The following PNPT1 variants were observed in gnomAD, a reference collection of about 807,000 sequenced individuals.
PNPT1 encodes polyribonucleotide nucleotidyltransferase 1.
In PNPT1, 53 loss-of-function variants were observed where a neutral mutation model predicts 119.5. The observed-to-expected ratio is 0.44, with a 90% confidence interval of 0.36 to 0.56. The LOEUF is 0.56. PNPT1 is among the 20% of genes least tolerant of loss of function. The probability of loss-of-function intolerance (pLI) is 0.00; values close to 1 mark genes in which losing one functional copy is unlikely to be tolerated. For synonymous variants in PNPT1, 357 were observed against 322.1 expected (o/e 1.11, Z -1.16); for missense variants, 948 against 938.5 (o/e 1.01, Z -0.13).
chr2:55,645,085 G>A (rs1244204232), intron 22 of PNPT1: 1 of 260,008 alleles, frequency 3.8e-6, no homozygotes, highest in Non-Finnish European at 7.2e-6. Context: ...GTGCAGTGGC[G>A]CGATCTCGGC....
chr2:55,671,051 G>C (rs922191856), intron 11 of PNPT1, among the ~76,000 whole-genome samples: 2 of 152,062 alleles, frequency 1.3e-5, no homozygotes, highest in African/African-American at 4.8e-5. Context: ...GTGCAAAGGG[G>C]ACTTTCTCTT....
At position 55,683,839 on chromosome 2, in the gene PNPT1, C is replaced by T. The variant is rs1156874425; in HGVS notation, c.404-5G>A. 3.7e-6 allele frequency: 6 copies of T among 1,607,598 alleles called. No homozygotes were observed. Among genetic ancestry groups the T allele is most frequent in the Non-Finnish European group, 5.1e-6 (6 of 1,177,222 alleles). ...AGAGCGGTCTAATTGAACGATCTGC[C>T]AAAAGAAAAAAAAACACATTAAACC... On this transcript the variant is annotated splice_polypyrimidine_tract_variant and splice_region_variant and intron_variant, in intron 4 of 27. Transcript: ENST00000447944.
At chr2:55,671,843 A>T in intron 10 of PNPT1, 152 bp downstream of exon 10, 4 of 629,954 alleles carry the variant, frequency 6.3e-6, no homozygotes, top group Non-Finnish European at 1.1e-5. Context: ...AAAACAAAAC[A>T]AAAGAATGGA....
At chr2:55,681,582 C>A (rs1051692156) in intron 5 of PNPT1, among the ~76,000 whole-genome samples, 29 of 152,060 alleles carry the variant, frequency 1.9e-4, no homozygotes, top group African/African-American at 7.0e-4. Flanking sequence ...TGGTGGCTCA[C>A]GCCTGTAATC....
chr2:55,646,694 G>C (rs1053927583), intron 19 of PNPT1, among the ~76,000 whole-genome samples: 1 of 152,066 alleles, frequency 6.6e-6, no homozygotes, highest in Non-Finnish European at 1.5e-5. Flanking sequence ...TTTATTTTTA[G>C]ATCATTCCTT....
chr2:55,646,083 C>T (rs1458945262), intron 21 of PNPT1, among the ~76,000 whole-genome samples, 176 bp downstream of exon 21: 1 of 152,108 alleles, frequency 6.6e-6, no homozygotes, highest in Non-Finnish European at 1.5e-5. Context: ...CTGCCTCGGC[C>T]TCTCAAAGTG....
intron 18 of PNPT1, among the ~76,000 whole-genome samples, chr2:55,651,949 C>G (rs1411523881): frequency 1.3e-5 from 2 of 150,966 alleles, no homozygotes; most frequent in Non-Finnish European, 2.9e-5. Flanking sequence ...CTTAACACCT[C>G]TTTCGAGTAG....
rs1572796301 is a variant in PNPT1 at position 55,643,484 on chromosome 2, T to C, written c.1907-59A>G. On this transcript the variant is annotated intron_variant, in intron 23 of 27. Coordinates refer to ENST00000447944, the MANE Select transcript of PNPT1 (RefSeq NM_033109.5). ...ACTTGGCTGGGCATAGTGGGTCACA[T>C]CTGTAATCCCAGCACTCTGGGGGGC... The C allele has an allele frequency of 3.5e-6, 5 of 1,445,178 alleles. No individual in the cohort carries two copies. In the East Asian group the frequency reaches 1.1e-4, roughly 33 times the overall value. The allele number at this position is 1,445,178 out of a possible 1,614,324, so 89.5% of individuals were successfully genotyped here. A position where few individuals can be genotyped will look rare whatever the true frequency, so the allele number is the denominator to read the frequency against.
At chr2:55,679,364 TTAGTC>T (rs1697177301) in intron 8 of PNPT1, among the ~76,000 whole-genome samples, 1 of 152,176 alleles carries the variant, frequency 6.6e-6, no homozygotes, top group African/African-American at 2.4e-5. Flanking sequence ...TAATAACTTA[TTAGTC>T]TAAACATAAT....
intron 26 of PNPT1, among the ~76,000 whole-genome samples, chr2:55,639,593 TTTAC>T (rs1370370984): frequency 6.6e-6 from 1 of 152,190 alleles, no homozygotes; most frequent in African/African-American, 2.4e-5. Flanking sequence ...GTTCATGTTC[TTTAC>T]TTATTTTTCT....
chr2:55,671,943 C>CA, intron 10 of PNPT1, 52 bp downstream of exon 10: 2 of 1,365,146 alleles, frequency 1.5e-6, no homozygotes, highest in East Asian at 2.4e-5. Flanking sequence ...TGAGTTATGA[C>CA]AAAAATGTAT....
intron 18 of PNPT1, among the ~76,000 whole-genome samples, chr2:55,651,006 C>T (rs1390890465): frequency 9.4e-5 from 14 of 148,416 alleles, no homozygotes; most frequent in South Asian, 2.1e-4. Flanking sequence ...CGCCTCTGCC[C>T]GGCCGCCCCT....
At position 55,637,709 on chromosome 2, in the gene PNPT1, G is replaced by A. The variant is rs569198010; in HGVS notation, c.2149-110C>T. On this transcript the variant is annotated intron_variant, in intron 26 of 27. Transcript: ENST00000447944. ...TTAGTTTTTCTGATTAAAAAAATCA[G>A]TTAGCGGCTGGGCGCAGTGGCTCAA... is the stretch of plus-strand genomic sequence containing the variant. The A allele has an allele frequency of 5.5e-4, 536 of 971,428 alleles. 8 individuals are homozygous for A. The South Asian group carries it at 7.4e-3, about 13-fold the overall frequency. 60.2% of individuals were successfully genotyped at this position (971,428 alleles called of 1,614,324 possible). A position where few individuals can be genotyped will look rare whatever the true frequency, so the allele number is the denominator to read the frequency against.
At chr2:55,675,116 A>G (rs776253023) in intron 8 of PNPT1, among the ~76,000 whole-genome samples, 5 of 152,058 alleles carry the variant, frequency 3.3e-5, no homozygotes, top group Non-Finnish European at 5.9e-5. Flanking sequence ...CAACTAGAAG[A>G]TAAAAAACTC....
chr2:55,644,768 G>A (rs2104030116), intron 22 of PNPT1, 48 bp from the exon 23 acceptor site: 5 of 1,372,838 alleles, frequency 3.6e-6, no homozygotes, highest in Middle Eastern at 1.8e-4. Flanking sequence ...CTACATACAT[G>A]AACCTAAAAC....
intron 19 of PNPT1, among the ~76,000 whole-genome samples, chr2:55,646,702 C>A (rs916750980): frequency 6.6e-6 from 1 of 152,110 alleles, no homozygotes; most frequent in Non-Finnish European, 1.5e-5. Context: ...TAGATCATTC[C>A]TTTCCCTCAT....
In PNPT1 at chr2:55,634,630, A is replaced by C. The variant is rs1695610275; in HGVS notation, c.*1607T>G. On this transcript the variant is annotated 3_prime_UTR_variant, in exon 28 of 28. Coordinates refer to ENST00000447944, the MANE Select transcript of PNPT1 (RefSeq NM_033109.5). The stretch of plus-strand genomic sequence containing the variant: ...GAGTGCAGTGGTGCGATCTCAGCTC[A>C]CTGCCACCTCTGCCTCCCAGGTTCA... The C allele has an allele frequency of 6.7e-6, 1 of 149,324 alleles. No homozygotes were observed. The highest frequency in any genetic ancestry group is 1.5e-5 in the Non-Finnish European group (1 of 67,564). The allele number at this position is 149,324 out of a possible 1,614,324, so 9.2% of individuals were successfully genotyped here.
Position 55,693,675 on chromosome 2 carries a change from T to C in PNPT1, c.149A>G (p.Asp50Gly). The change falls in exon 1 of 28, where the codon GAC becomes GGC. Residue 50 changes from aspartate to glycine, a missense_variant. By Grantham distance (94) the Asp-to-Gly change is moderately conservative (BLOSUM62 -1). Transcript: ENST00000447944. ...SSAGSRAVAVDLGNRKLEISS... is the reference protein window; with the variant it reads ...SSAGSRAVAVGLGNRKLEISS... ...CGTCACTCCTTACCTGTTGCCTAAG[T>C]CCACGGCCACAGCTCGAGACCCTGC... 6.2e-7 allele frequency: 1 copy of C among 1,614,240 alleles called. No individual in the cohort carries two copies. The highest frequency in any genetic ancestry group is 2.2e-5 in the East Asian group (1 of 44,886).
Position 55,677,811 on chromosome 2 carries a change from C to T in PNPT1, c.679+1871G>A, listed in dbSNP as rs991368755. Among the ~76,000 whole-genome samples the T allele has an allele frequency of 2.0e-5, 3 of 150,114 alleles. 1 individual carries two copies. The highest frequency in any genetic ancestry group is 4.5e-5 in the Non-Finnish European group (3 of 67,378). On this transcript the variant is annotated intron_variant, in intron 8 of 27. Transcript: ENST00000447944. Reference sequence around the variant, plus strand: ...CTGGAGTGCAGTGGTGTGATCTCGGCTCACTGCAAGCTCTGCCTCCCGGGT... The same window carrying T: ...CTGGAGTGCAGTGGTGTGATCTCGGTTCACTGCAAGCTCTGCCTCCCGGGT...
Sources: allele counts gnomAD v4.1 joint callset (sites outside exome capture counted in the v4.1 genomes callset), GRCh38; gene constraint gnomAD v4.1.1; transcripts MANE v1.5; gene names NCBI Gene and HGNC (gene_info 2026-07-23, HGNC 2026-07-21).